ARHGEF26: variants seen among roughly 807,000 people sequenced by gnomAD.
ARHGEF26 encodes the protein Rho guanine nucleotide exchange factor (GEF) 26.
In ARHGEF26, 59 loss-of-function variants were observed where a neutral mutation model predicts 89.4. The ratio of observed to expected loss-of-function variants is 0.66; its 90% CI spans 0.54 to 0.82. The LOEUF is 0.82. Ranked by LOEUF, ARHGEF26 falls within the 40% of genes least tolerant of loss-of-function variation. ARHGEF26 has a pLI of 0.00. For missense variants in ARHGEF26, 1,234 were observed against 1,085.6 expected (o/e 1.14, Z -1.92); for synonymous variants, 500 against 428.4 (o/e 1.17, Z -2.06).
intron 6 of ARHGEF26, among the ~76,000 whole-genome samples, chr3:154,185,517 C>T (rs1713469967): frequency 1.3e-5 from 2 of 152,084 alleles, no homozygotes; most frequent in South Asian, 4.1e-4. Context: ...CAGCCAAATA[C>T]AAGGATTGTT....
rs1343014920 is a variant in ARHGEF26, at chr3:154,255,584, C to T, written c.*111C>T. Reference sequence around the variant, plus strand: ...GTCACAGCCTATTTAATTAAAAGAACGAAAACACTTGCCTTTAAGCTTGCC... The same window carrying T: ...GTCACAGCCTATTTAATTAAAAGAATGAAAACACTTGCCTTTAAGCTTGCC... On this transcript the variant is annotated 3_prime_UTR_variant, in exon 15 of 15. Coordinates refer to ENST00000465093, the MANE Select transcript of ARHGEF26 (RefSeq NM_015595.4). 32 of 1,471,424 alleles carry T rather than the reference C, an allele frequency of 2.2e-5. No individual in the cohort carries two copies. Among genetic ancestry groups the T allele is most frequent in the South Asian group, 4.4e-5 (3 of 68,860 alleles). The allele number at this position is 1,471,424 out of a possible 1,614,324, so 91.1% of individuals were successfully genotyped here.
At chr3:154,254,941 G>A in intron 14 of ARHGEF26, 117 bp downstream of exon 14, 4 of 855,394 alleles carry the variant, frequency 4.7e-6, no homozygotes, top group Non-Finnish European at 7.5e-6. Flanking sequence ...GTTAATGTTT[G>A]AGATCACATA....
At chr3:154,181,011 CCAGA>C (rs950394058) in intron 6 of ARHGEF26, among the ~76,000 whole-genome samples, 22 of 152,238 alleles carry the variant, frequency 1.4e-4, no homozygotes, top group Non-Finnish European at 2.8e-4. Flanking sequence ...AGGCAGAGTG[CCAGA>C]CAGTTACTGA....
Position 154,122,986 on chromosome 3 carries a change from A to G in ARHGEF26, c.994A>G (p.Ser332Gly). Residue 332 changes from serine (S) to glycine (G), a missense_variant, in exon 2 of 15, where the codon AGC becomes GGC. Physicochemically the swap from Ser to Gly is moderately conservative, Grantham distance 56. Coordinates refer to ENST00000465093, the MANE Select transcript of ARHGEF26 (RefSeq NM_015595.4). ...TGGCTTTGATTTTGACAGTCCTACC[A>G]GCTCGAAGAAGAAGAACAGAATGTC... ...VSGFDFDSPT[S>G]SKKKNRMSQP... The G allele has an allele frequency of 6.2e-7, 1 of 1,613,908 alleles. No homozygotes were observed. The highest frequency in any genetic ancestry group is 8.5e-7 in the Non-Finnish European group (1 of 1,179,864).
rs146415862 is a variant in ARHGEF26, at chr3:154,172,473, T to A, written c.1488-15212T>A. On this transcript the variant is annotated intron_variant, in intron 6 of 14. Coordinates refer to ENST00000465093, the MANE Select transcript of ARHGEF26 (RefSeq NM_015595.4). ...ACTTTGGGAGGACAAGGCAGGTGGA[T>A]TGCTTGAGGCCAGTAGTTCAAGACC... is the stretch of plus-strand genomic sequence containing the variant. Among the ~76,000 whole-genome samples, 17 of 152,278 alleles carry A rather than the reference T, an allele frequency of 1.1e-4. No homozygotes were observed. In the East Asian group the frequency reaches 3.3e-3, roughly 29 times the overall value.
intron 9 of ARHGEF26, among the ~76,000 whole-genome samples, chr3:154,206,003 CTTA>C (rs1441873251): frequency 6.6e-6 from 1 of 152,056 alleles, no homozygotes; most frequent in Admixed American, 6.6e-5. Flanking sequence ...CAGGTGATTA[CTTA>C]TTATTGATTA....
In ARHGEF26 at chr3:154,124,392, C is replaced by CT. The variant is rs777887765; in HGVS notation, c.1084-10dup. Reference sequence around the variant, plus strand: ...TTTTCCTTTTTTTTTTTTTTTTTTACTTTTTTTTGTCTCTTAGAAAAAAAT... The same window carrying CT: ...TTTTCCTTTTTTTTTTTTTTTTTTACTTTTTTTTTGTCTCTTAGAAAAAAAT... On this transcript the variant is annotated splice_polypyrimidine_tract_variant and intron_variant, in intron 2 of 14. Coordinates refer to ENST00000465093, the MANE Select transcript of ARHGEF26 (RefSeq NM_015595.4). 104 of 671,844 alleles carry CT rather than the reference C, an allele frequency of 1.5e-4. No individual in the cohort carries two copies. Among genetic ancestry groups the CT allele is most frequent in the South Asian group, 3.0e-4 (8 of 27,006 alleles). The allele number at this position is 671,844 out of a possible 1,614,324, so 41.6% of individuals were successfully genotyped here.
At chr3:154,214,213 G>A (rs994792319) in intron 9 of ARHGEF26, among the ~76,000 whole-genome samples, 2 of 152,194 alleles carry the variant, frequency 1.3e-5, no homozygotes, top group African/African-American at 4.8e-5. Flanking sequence ...TATTCTGAAA[G>A]CTTCAGGGAG....
intron 4 of ARHGEF26, among the ~76,000 whole-genome samples, chr3:154,131,450 C>T (rs6763911): frequency 0.23 from 35,081 of 152,158 alleles, 5,409 homozygotes; most frequent in East Asian, 0.47. Context: ...GTGGTAAAAG[C>T]TAGCCACAGA....
intron 4 of ARHGEF26, among the ~76,000 whole-genome samples, chr3:154,143,643 T>G (rs1719519293): frequency 6.6e-6 from 1 of 152,240 alleles, no homozygotes. Flanking sequence ...ATGTAACAGT[T>G]AAGACTGAAA....
chr3:154,181,712 G>A (rs1713194538), intron 6 of ARHGEF26, among the ~76,000 whole-genome samples: 1 of 152,082 alleles, frequency 6.6e-6, no homozygotes, highest in Admixed American at 6.6e-5. Flanking sequence ...AATCCTAATT[G>A]AAGAATTGTA....
At chr3:154,152,728 T>C (rs1369905585) in intron 5 of ARHGEF26, 44 bp from the exon 6 acceptor site, 2 of 1,363,986 alleles carry the variant, frequency 1.5e-6, no homozygotes, top group Admixed American at 6.2e-5. Flanking sequence ...TTTAGTTCTT[T>C]AATTAAAAGA....
rs747238841 is a variant in ARHGEF26, at chr3:154,217,876, G to T, written c.1853G>T (p.Arg618Leu). The part of the protein sequence containing the change: ...RALKEVSKLV[R>L]LCNEGARKME... ...ACTCTTCTGTGTTCCCAGTTGGTTC[G>T]ACTATGCAATGAGGGCGCCCGGAAG... The change falls in exon 10 of 15, where the codon CGA (arginine) becomes CTA (leucine). Residue 618 changes from arginine to leucine, a missense_variant. Transcript: ENST00000465093. 6.3e-7 allele frequency: 1 copy of T among 1,597,504 alleles called. No individual in the cohort carries two copies. The highest frequency in any genetic ancestry group is 8.5e-7 in the Non-Finnish European group (1 of 1,171,580).
At chr3:154,129,543 T>C (rs1231459776) in intron 3 of ARHGEF26, 31 bp from the exon 4 acceptor site, 3 of 1,601,954 alleles carry the variant, frequency 1.9e-6, no homozygotes, top group Admixed American at 1.7e-5. Context: ...TTGAGAACAA[T>C]TAGTGACACA....
intron 8 of ARHGEF26, 78 bp downstream of exon 8, chr3:154,191,496 C>G (rs1576758851): frequency 6.7e-6 from 10 of 1,495,138 alleles, no homozygotes; most frequent in Admixed American, 2.2e-5. Flanking sequence ...ATTATTATTC[C>G]ACTTAAATTG....
chr3:154,252,531 G>A (rs188807578), intron 12 of ARHGEF26, among the ~76,000 whole-genome samples: 1 of 152,252 alleles, frequency 6.6e-6, no homozygotes, highest in African/African-American at 2.4e-5. Context: ...TATATTAAAA[G>A]TATTGGTCAT....
At chr3:154,127,827 G>A (rs1718427615) in intron 3 of ARHGEF26, among the ~76,000 whole-genome samples, 1 of 152,132 alleles carries the variant, frequency 6.6e-6, no homozygotes, top group Non-Finnish European at 1.5e-5. Flanking sequence ...CAACATTTAA[G>A]ATGGCTAGGT....
At chr3:154,163,511 A>T (rs1420289719) in intron 6 of ARHGEF26, among the ~76,000 whole-genome samples, 2 of 152,182 alleles carry the variant, frequency 1.3e-5, no homozygotes, top group East Asian at 3.8e-4. Context: ...TACAGAACTA[A>T]ATTTTAATTT....
At chr3:154,220,635 G>A (rs1037469335) in intron 10 of ARHGEF26, among the ~76,000 whole-genome samples, 2 of 152,110 alleles carry the variant, frequency 1.3e-5, no homozygotes, top group African/African-American at 4.8e-5. Context: ...ACACTCCTGC[G>A]GACAGCCCTG....
Sources: allele counts gnomAD v4.1 joint callset (sites outside exome capture counted in the v4.1 genomes callset), GRCh38; gene constraint gnomAD v4.1.1; transcripts MANE v1.5; gene names NCBI Gene and HGNC (gene_info 2026-07-23, HGNC 2026-07-21).